Variants in AGMO observed in about 807,000 individuals in gnomAD.
AGMO encodes the protein alkylglycerol monooxygenase, also known as glyceryl-ether monooxygenase.
AGMO carries 75 observed loss-of-function variants against 60.2 expected under a neutral mutation model. That is an observed-to-expected ratio of 1.25 (90% CI 1.03 to 1.51). The LOEUF is 1.51. Among genes scored for constraint, AGMO ranks in the 40% most tolerant of loss-of-function variants. The pLI, the probability that AGMO is intolerant of heterozygous loss-of-function variation, is 0.00. For missense variants in AGMO, 763 were observed against 525.5 expected (o/e 1.45, Z -4.42); for synonymous variants, 261 against 177.1 (o/e 1.47, Z -3.76).
the AGMO span, among the ~76,000 whole-genome samples, chr7:15,178,131 G>C: frequency 6.6e-6 from 1 of 152,092 alleles, no homozygotes; most frequent in Non-Finnish European, 1.5e-5. Context: ...TGCCCTTTTG[G>C]GGGAGTGGAA....
intron 10 of AGMO, among the ~76,000 whole-genome samples, chr7:15,385,137 G>A (rs550774889): frequency 3.9e-5 from 6 of 152,240 alleles, no homozygotes; most frequent in Middle Eastern, 3.4e-3. Flanking sequence ...ATTTAATTCT[G>A]ACTTCTGAAG....
At position 15,258,283 on chromosome 7, in the gene AGMO, T is replaced by C. The variant is rs919804276; in HGVS notation, c.1264-56924A>G. Among the ~76,000 whole-genome samples, 4 of 152,148 alleles carry C rather than the reference T, an allele frequency of 2.6e-5. No homozygotes were observed. In the South Asian group the frequency reaches 8.3e-4, roughly 32 times the overall value. ...GGACCAAAGATAATTGTTTTTTAAT[T>C]ATAGGCTTGGTATACTTTTCTTTTT... is the stretch of plus-strand genomic sequence containing the variant. On this transcript the variant is annotated intron_variant, in intron 12 of 12. Transcript: ENST00000342526.
chr7:15,349,563 C>A (rs980894954), intron 12 of AGMO, among the ~76,000 whole-genome samples: 2 of 152,102 alleles, frequency 1.3e-5, no homozygotes, highest in East Asian at 3.9e-4. Flanking sequence ...TCATTTCTCA[C>A]AGGTTCCTAG....
At chr7:15,139,313 G>T in the AGMO span, among the ~76,000 whole-genome samples, 1 of 152,162 alleles carries the variant, frequency 6.6e-6, no homozygotes, top group East Asian at 1.9e-4. Context: ...TGCTTATATA[G>T]TATTCTCCTG....
intron 12 of AGMO, among the ~76,000 whole-genome samples, chr7:15,355,625 G>C (rs1248554737): frequency 6.6e-6 from 1 of 151,884 alleles, no homozygotes; most frequent in Non-Finnish European, 1.5e-5. Context: ...TGTACAAATG[G>C]AAACTGGTTG....
At chr7:15,400,460 C>T (rs1430403911) in intron 5 of AGMO, among the ~76,000 whole-genome samples, 1 of 152,120 alleles carries the variant, frequency 6.6e-6, no homozygotes, top group African/African-American at 2.4e-5. Flanking sequence ...AAGAATTCTA[C>T]TTTGTGGGTA....
the AGMO span, among the ~76,000 whole-genome samples, chr7:15,160,932 A>G: frequency 3.9e-5 from 6 of 152,196 alleles, no homozygotes; most frequent in Non-Finnish European, 8.8e-5. Flanking sequence ...AAAGCAAGCA[A>G]CTGACAAGGG....
At chr7:15,518,642 C>A (rs1014362091) in intron 3 of AGMO, among the ~76,000 whole-genome samples, 1 of 151,916 alleles carries the variant, frequency 6.6e-6, no homozygotes, top group South Asian at 2.1e-4. Context: ...ACAAAAAGGG[C>A]GACCACTCAA....
At chr7:15,411,302 A>G (rs1445935735) in intron 5 of AGMO, among the ~76,000 whole-genome samples, 3 of 151,982 alleles carry the variant, frequency 2.0e-5, no homozygotes, top group Admixed American at 6.6e-5. Context: ...CTGTTATTGC[A>G]ACAGAAAACA....
chr7:15,246,888 C>A (rs1323238920), intron 12 of AGMO, among the ~76,000 whole-genome samples: 1 of 152,094 alleles, frequency 6.6e-6, no homozygotes, highest in Non-Finnish European at 1.5e-5. Context: ...CCTCAGGGCA[C>A]ACTAGAAATC....
chr7:15,213,017 T>C (rs1191157552), intron 12 of AGMO, among the ~76,000 whole-genome samples: 1 of 152,170 alleles, frequency 6.6e-6, no homozygotes, highest in East Asian at 1.9e-4. Context: ...TTTTCCAAAC[T>C]TGGCATTGAA....
At chr7:15,322,451 TATATAAATATATATAA>T (rs1482395775) in intron 12 of AGMO, among the ~76,000 whole-genome samples, 2 of 80,032 alleles carry the variant, frequency 2.5e-5, no homozygotes, top group Non-Finnish European at 5.0e-5. Flanking sequence ...TATAAATATA[TATATAAATATATATAA>T]ATATATAAAT....
chr7:15,425,574 G>C (rs1407778779), intron 4 of AGMO, among the ~76,000 whole-genome samples: 2 of 151,832 alleles, frequency 1.3e-5, no homozygotes, highest in Non-Finnish European at 2.9e-5. Flanking sequence ...GAGTAGCTGG[G>C]ACTACAGGCG....
chr7:15,390,205 G>C (rs1012524809), intron 8 of AGMO, among the ~76,000 whole-genome samples: 1 of 151,958 alleles, frequency 6.6e-6, no homozygotes, highest in Non-Finnish European at 1.5e-5. Flanking sequence ...CTTAGCAAGC[G>C]AGGTAATGCA....
chr7:15,547,744 C>T lies in AGMO; in HGVS notation c.258-2821G>A, dbSNP rs1391224596. On this transcript the variant is annotated intron_variant, in intron 2 of 12. Coordinates refer to ENST00000342526, the MANE Select transcript of AGMO (RefSeq NM_001004320.2). Reference sequence around the variant, plus strand: ...GGCGGCAGCGAGGCTGGGGGAGGGGCGCCCGCCATTGCCCGGGCTTGATTA... The same window carrying T: ...GGCGGCAGCGAGGCTGGGGGAGGGGTGCCCGCCATTGCCCGGGCTTGATTA... 3.3e-5 allele frequency among the ~76,000 whole-genome samples: 5 copies of T among 151,942 alleles called. No homozygotes were observed. In the East Asian group the frequency reaches 9.7e-4, roughly 29 times the overall value.
intron 3 of AGMO, among the ~76,000 whole-genome samples, chr7:15,464,714 T>G (rs747972499): frequency 1.3e-5 from 2 of 152,190 alleles, no homozygotes; most frequent in Non-Finnish European, 2.9e-5. Flanking sequence ...AGACAGCAGT[T>G]ATAAACATAG....
intron 12 of AGMO, among the ~76,000 whole-genome samples, chr7:15,206,566 T>C (rs1781444913): frequency 1.3e-5 from 2 of 152,114 alleles, no homozygotes; most frequent in Non-Finnish European, 1.5e-5. Context: ...AGTTTATAAA[T>C]ATATATCACA....
intron 12 of AGMO, among the ~76,000 whole-genome samples, chr7:15,296,030 T>C (rs990244346): frequency 2.6e-5 from 4 of 152,174 alleles, no homozygotes; most frequent in Admixed American, 1.3e-4. Context: ...CAATTATGTT[T>C]ACATATGGAA....
the AGMO span, among the ~76,000 whole-genome samples, chr7:15,128,909 C>T: frequency 6.6e-6 from 1 of 152,016 alleles, no homozygotes; most frequent in Non-Finnish European, 1.5e-5. Flanking sequence ...CAGCCAATGT[C>T]GCTCACATTT....
Sources: allele counts gnomAD v4.1 joint callset (sites outside exome capture counted in the v4.1 genomes callset), GRCh38; gene constraint gnomAD v4.1.1; transcripts MANE v1.5; gene names NCBI Gene and HGNC (gene_info 2026-07-23, HGNC 2026-07-21).